The following RNF144B variants were observed in gnomAD, a reference collection of about 807,000 sequenced individuals.
The protein encoded by RNF144B is E3 ubiquitin-protein ligase RNF144B.
RNF144B carries 25 observed loss-of-function variants against 40.2 expected under a neutral mutation model. The observed-to-expected ratio is 0.62, with a 90% CI of 0.45 to 0.87. The LOEUF (loss-of-function observed/expected upper bound fraction) is 0.87. Ranked by LOEUF, RNF144B falls within the 40% of genes least tolerant of loss-of-function variation. The pLI is 0.00. For synonymous variants in RNF144B, 145 were observed against 136.3 expected (o/e 1.06, Z -0.44); for missense variants, 365 against 373.7 (o/e 0.98, Z 0.19).
chr6:18,413,679 C>T (rs1191306835), intron 2 of RNF144B, among the ~76,000 whole-genome samples: 3 of 152,162 alleles, frequency 2.0e-5, no homozygotes, highest in Non-Finnish European at 4.4e-5. Flanking sequence ...CGCATTGTGT[C>T]TGTGGAAGTT....
chr6:18,421,011 A>G (rs1315533464), intron 2 of RNF144B, among the ~76,000 whole-genome samples: 2 of 151,954 alleles, frequency 1.3e-5, no homozygotes, highest in Admixed American at 6.6e-5. Context: ...TCTTAGCACT[A>G]TGGGAGGCTG....
chr6:18,430,005 T>C (rs1269705195), intron 3 of RNF144B, among the ~76,000 whole-genome samples: 2 of 152,238 alleles, frequency 1.3e-5, no homozygotes, highest in African/African-American at 4.8e-5. Flanking sequence ...GTGTCTGCTA[T>C]GAAATCTTAG....
intron 3 of RNF144B, among the ~76,000 whole-genome samples, chr6:18,432,230 G>T (rs894187164): frequency 6.6e-6 from 1 of 152,100 alleles, no homozygotes; most frequent in African/African-American, 2.4e-5. Flanking sequence ...GAAGATTTTG[G>T]TATCTGCGGG....
chr6:18,431,933 C>T (rs1382502267), intron 3 of RNF144B, among the ~76,000 whole-genome samples: 5 of 152,140 alleles, frequency 3.3e-5, no homozygotes, highest in Admixed American at 6.5e-5. Context: ...TCCTTAGTGA[C>T]GCACTTAATG....
In RNF144B at chr6:18,427,647, A is replaced by G. The variant is rs913859846; in HGVS notation, c.232A>G (p.Met78Val). 18 of 1,613,686 alleles carry G rather than the reference A, an allele frequency of 1.1e-5. No homozygotes were observed. The East Asian group carries it at 4.0e-4, about 36-fold the overall frequency. ...GCGSPITCPD[M>V]VCLNHGTLQE... is the part of the protein sequence containing the mutation. ...TGGGTCTCCCATCACTTGCCCTGACATGGTGTGCCTAAACCACGGGACCCT... is the reference window on the plus strand; with the variant it reads ...TGGGTCTCCCATCACTTGCCCTGACGTGGTGTGCCTAAACCACGGGACCCT... The change falls in exon 3 of 8, where the codon ATG (methionine) becomes GTG (valine). Residue 78 changes from methionine to valine, a missense_variant. Physicochemically the swap from Met to Val is conservative, Grantham distance 21. Coordinates refer to ENST00000259939, the MANE Select transcript of RNF144B (RefSeq NM_182757.4).
At chr6:18,421,315 CATATAT>C (rs146251521) in intron 2 of RNF144B, among the ~76,000 whole-genome samples, 1 of 142,508 alleles carries the variant, frequency 7.0e-6, no homozygotes, top group African/African-American at 2.7e-5. Context: ...CACACACACA[CATATAT>C]ATAAAATAAA....
intron 2 of RNF144B, among the ~76,000 whole-genome samples, chr6:18,408,978 T>C (rs1451338023): frequency 6.6e-6 from 1 of 150,442 alleles, no homozygotes; most frequent in African/African-American, 2.4e-5. Context: ...GAGCATCTCA[T>C]GACCTTTACA....
intron 1 of RNF144B, among the ~76,000 whole-genome samples, chr6:18,387,879 T>A (rs2113446003): frequency 6.6e-6 from 1 of 152,276 alleles, no homozygotes; most frequent in East Asian, 1.9e-4. Context: ...ATAGAATGTA[T>A]TGTAGAATCC....
At chr6:18,388,500 A>C (rs1395609095) in intron 1 of RNF144B, among the ~76,000 whole-genome samples, 2 of 152,338 alleles carry the variant, frequency 1.3e-5, no homozygotes, top group East Asian at 3.9e-4. Context: ...AAAGGAACCT[A>C]GCCAGTCCTA....
Position 18,466,696 on chromosome 6 carries a change from A to G in RNF144B, c.*1629A>G, listed in dbSNP as rs915822451. 1 of 152,644 alleles carries G rather than the reference A, an allele frequency of 6.6e-6. No homozygotes were observed. The highest frequency in any genetic ancestry group is 1.5e-5 in the Non-Finnish European group (1 of 68,036). The allele number at this position is 152,644 out of a possible 1,614,324, so 9.5% of individuals were successfully genotyped here. Reference sequence around the variant, plus strand: ...TGATATTTTCTGAGGTAACTGGGTAATAGAATATCAAATTGCTGCTATCTC... The same window carrying G: ...TGATATTTTCTGAGGTAACTGGGTAGTAGAATATCAAATTGCTGCTATCTC... On this transcript the variant is annotated 3_prime_UTR_variant, in exon 8 of 8. Coordinates refer to ENST00000259939, the MANE Select transcript of RNF144B (RefSeq NM_182757.4).
intron 2 of RNF144B, among the ~76,000 whole-genome samples, chr6:18,415,382 C>G (rs1304223233): frequency 1.3e-5 from 2 of 152,168 alleles, no homozygotes; most frequent in Non-Finnish European, 2.9e-5. Context: ...GATGGCGGCT[C>G]TCTGCTTCCA....
intron 3 of RNF144B, among the ~76,000 whole-genome samples, chr6:18,432,895 G>A (rs573256778): frequency 1.3e-4 from 20 of 152,224 alleles, no homozygotes; most frequent in Non-Finnish European, 2.9e-4. Flanking sequence ...GAAAGGGTGG[G>A]TGCAGCTGAA....
chr6:18,457,052 C>A lies in RNF144B; in HGVS notation c.332-103C>A. ...CTCCAGCCTGGGCGACAGAGTGAGA[C>A]TCTGGTTCCAAATAAATTAAATAAA... On this transcript the variant is annotated intron_variant, in intron 4 of 7. Coordinates refer to ENST00000259939, the MANE Select transcript of RNF144B (RefSeq NM_182757.4). The surrounding 1 kb of genome is among the most constrained non-coding windows in gnomAD (Gnocchi z 5.1). The A allele has an allele frequency of 2.1e-6, 2 of 975,402 alleles. No homozygotes were observed. Among genetic ancestry groups the A allele is most frequent in the Non-Finnish European group, 3.3e-6 (2 of 605,968 alleles). 60.4% of individuals were successfully genotyped at this position (975,402 alleles called of 1,614,324 possible).
Position 18,465,134 on chromosome 6 carries a change from T to C in RNF144B, c.*67T>C. 1.3e-6 allele frequency: 2 copies of C among 1,538,288 alleles called. No homozygotes were observed. The highest frequency in any genetic ancestry group is 1.8e-6 in the Non-Finnish European group (2 of 1,125,094). On this transcript the variant is annotated 3_prime_UTR_variant, in exon 8 of 8. Transcript: ENST00000259939. Reference sequence around the variant, plus strand: ...AGATGGCACAGTGATAAAGCCCCATTTAGTGACCTTGCCTCCTTCTCCTTG... The same window carrying C: ...AGATGGCACAGTGATAAAGCCCCATCTAGTGACCTTGCCTCCTTCTCCTTG...
chr6:18,421,516 G>T (rs1758426371), intron 2 of RNF144B, among the ~76,000 whole-genome samples: 1 of 151,984 alleles, frequency 6.6e-6, no homozygotes, highest in Non-Finnish European at 1.5e-5. Flanking sequence ...CATTCACTGG[G>T]CCCAGATTCT....
At chr6:18,387,840 G>C (rs779373021) in intron 1 of RNF144B, among the ~76,000 whole-genome samples, 1 of 152,276 alleles carries the variant, frequency 6.6e-6, no homozygotes, top group Non-Finnish European at 1.5e-5. Context: ...AAGGAAAGTA[G>C]TTTCATTTCT....
In RNF144B at chr6:18,442,673, A is replaced by C. The variant is rs999313203; in HGVS notation, c.331+2929A>C. 6.6e-6 allele frequency among the ~76,000 whole-genome samples: 1 copy of C among 152,118 alleles called. No homozygotes were observed. The highest frequency in any genetic ancestry group is 2.4e-5 in the African/African-American group (1 of 41,406). ...CTTCTAAAGCTCTTTCATGATCCCAAATTCTGTAGCCATTAACCAATAAGT... is the reference window on the plus strand; with the variant it reads ...CTTCTAAAGCTCTTTCATGATCCCACATTCTGTAGCCATTAACCAATAAGT... On this transcript the variant is annotated intron_variant, in intron 4 of 7. Coordinates refer to ENST00000259939, the MANE Select transcript of RNF144B (RefSeq NM_182757.4). This position sits in a 1 kb window ranked among gnomAD's most constrained non-coding sequence, Gnocchi z 4.3.
At chr6:18,407,970 CTTTCTTTCTT>C (rs1356833994) in intron 2 of RNF144B, among the ~76,000 whole-genome samples, 2 of 18,560 alleles carry the variant, frequency 1.1e-4, no homozygotes, top group Non-Finnish European at 1.6e-4. Context: ...TTTTCTTTTT[CTTTCTTTCTT>C]TTTCTTTTTT....
intron 6 of RNF144B, among the ~76,000 whole-genome samples, chr6:18,463,056 C>CTT (rs58336867): frequency 3.3e-5 from 5 of 150,760 alleles, no homozygotes; most frequent in Non-Finnish European, 7.4e-5. Context: ...CATTACTACT[C>CTT]TTTTTTTTTC....
Sources: allele counts gnomAD v4.1 joint callset (sites outside exome capture counted in the v4.1 genomes callset), GRCh38; gene constraint gnomAD v4.1.1; non-coding constraint Gnocchi (gnomAD v3.1); transcripts MANE v1.5; gene names NCBI Gene and HGNC (gene_info 2026-07-23, HGNC 2026-07-21).